The following ATP8B4 variants were observed in gnomAD, a reference collection of about 807,000 sequenced individuals.
The protein encoded by ATP8B4 is probable phospholipid-transporting ATPase IM.
ATP8B4 carries 133 observed loss-of-function variants against 145.6 expected under a neutral mutation model. The observed-to-expected ratio is 0.91, with a 90% confidence interval of 0.79 to 1.05. The LOEUF is 1.05. Among genes scored for constraint, ATP8B4 ranks in the 50% least tolerant of loss-of-function variants. The pLI is 0.00. For synonymous variants in ATP8B4, 507 were observed against 492.9 expected (o/e 1.03, Z -0.38); for missense variants, 1,458 against 1,425.2 (o/e 1.02, Z -0.37).
intron 3 of ATP8B4, among the ~76,000 whole-genome samples, chr15:50,053,593 T>C (rs1216464434): frequency 1.3e-5 from 2 of 152,248 alleles, no homozygotes; most frequent in Admixed American, 6.5e-5. Flanking sequence ...TCAAGAATGA[T>C]TCTCTTGGCC....
intron 1 of ATP8B4, among the ~76,000 whole-genome samples, chr15:50,133,669 A>G (rs1227547029): frequency 6.6e-6 from 1 of 152,194 alleles, no homozygotes; most frequent in Non-Finnish European, 1.5e-5. Context: ...AGCAGTTGCC[A>G]GGGGCTGGGG....
At chr15:49,944,776 G>A (rs1266854884) in intron 14 of ATP8B4, among the ~76,000 whole-genome samples, 2 of 152,044 alleles carry the variant, frequency 1.3e-5, no homozygotes, top group Non-Finnish European at 2.9e-5. Context: ...CTGTGTCAAG[G>A]TAGCACAGAC....
At chr15:50,078,357 T>G (rs2054321817) in intron 2 of ATP8B4, among the ~76,000 whole-genome samples, 1 of 151,822 alleles carries the variant, frequency 6.6e-6, no homozygotes, top group African/African-American at 2.4e-5. Flanking sequence ...CTCAAAGATA[T>G]TTAAGAAGAC....
chr15:50,067,198 A>T (rs1323113538), intron 3 of ATP8B4, among the ~76,000 whole-genome samples: 1 of 152,038 alleles, frequency 6.6e-6, no homozygotes, highest in East Asian at 1.9e-4. Flanking sequence ...CACCACACCC[A>T]ACTTACGTTC....
At chr15:50,059,612 A>G (rs1451644550) in intron 3 of ATP8B4, among the ~76,000 whole-genome samples, 1 of 152,200 alleles carries the variant, frequency 6.6e-6, no homozygotes, top group Non-Finnish European at 1.5e-5. Flanking sequence ...CACTGCCTTC[A>G]TAATCCTCTT....
chr15:50,091,160 A>T (rs2055587241), intron 2 of ATP8B4, among the ~76,000 whole-genome samples: 1 of 152,146 alleles, frequency 6.6e-6, no homozygotes, highest in Non-Finnish European at 1.5e-5. Context: ...TATATTGGGA[A>T]GTTCTGTTTG....
chr15:49,987,522 T>C lies in ATP8B4; in HGVS notation c.617A>G (p.Asn206Ser). The C allele has an allele frequency of 1.2e-6, 2 of 1,613,738 alleles. No homozygotes were observed. The highest frequency in any genetic ancestry group is 1.7e-6 in the Non-Finnish European group (2 of 1,179,760). The change falls in exon 10 of 28, where the codon AAC becomes AGC. Residue 206 changes from asparagine (N) to serine (S), a missense_variant. Physicochemically the swap from Asn to Ser is conservative, Grantham distance 46. Coordinates refer to ENST00000284509, the MANE Select transcript of ATP8B4 (RefSeq NM_024837.4). ...DGIVVCEVPN[N>S]KLDKFMGILS... Reference sequence around the variant, plus strand: ...GATTCCCATGAATTTATCTAACTTGTTGTTAGGCACCTCACAGACAACAAT... The same window carrying C: ...GATTCCCATGAATTTATCTAACTTGCTGTTAGGCACCTCACAGACAACAAT...
intron 14 of ATP8B4, 76 bp downstream of exon 14, chr15:49,961,901 T>C (rs1481120281): frequency 3.0e-5 from 39 of 1,293,040 alleles, no homozygotes; most frequent in Non-Finnish European, 4.1e-5. Context: ...ATCAGGACAC[T>C]AAAAGTTTAT....
intron 6 of ATP8B4, among the ~76,000 whole-genome samples, chr15:50,028,781 G>A (rs1242851565): frequency 2.6e-5 from 4 of 152,152 alleles, no homozygotes; most frequent in Admixed American, 6.5e-5. Context: ...ATAGTAGGCA[G>A]AGAATAAGTG....
Position 49,981,567 on chromosome 15 carries a change from T to C in ATP8B4, c.749-273A>G, listed in dbSNP as rs1031444482. On this transcript the variant is annotated intron_variant, in intron 10 of 27. Coordinates refer to ENST00000284509, the MANE Select transcript of ATP8B4 (RefSeq NM_024837.4). ...TTTAAGTGAAGCTATTTTTTCAATG[T>C]CTATACATGAATATGCTTCTAGTTT... 3.9e-5 allele frequency among the ~76,000 whole-genome samples: 6 copies of C among 152,126 alleles called. No individual in the cohort carries two copies. The East Asian group carries it at 9.6e-4, about 24-fold the overall frequency.
At chr15:50,094,841 T>C (rs1466964424) in intron 2 of ATP8B4, among the ~76,000 whole-genome samples, 46 of 151,918 alleles carry the variant, frequency 3.0e-4, no homozygotes, top group Admixed American at 2.8e-3. Flanking sequence ...TTTCATGGTT[T>C]TTCTGCCTTC....
chr15:50,063,085 T>TAAA (rs753490770), intron 3 of ATP8B4, among the ~76,000 whole-genome samples: 24 of 138,670 alleles, frequency 1.7e-4, no homozygotes, highest in Middle Eastern at 3.9e-3. Flanking sequence ...TAGATGTCTT[T>TAAA]AAAAAAAAAA....
chr15:50,048,564 C>G (rs1482346444), intron 3 of ATP8B4, among the ~76,000 whole-genome samples: 1 of 151,856 alleles, frequency 6.6e-6, no homozygotes, highest in East Asian at 1.9e-4. Context: ...AAAAATTAGC[C>G]AGGCATGGTG....
At chr15:50,103,029 G>C (rs563942073) in intron 2 of ATP8B4, among the ~76,000 whole-genome samples, 69 of 152,176 alleles carry the variant, frequency 4.5e-4, no homozygotes, top group African/African-American at 1.6e-3. Context: ...AAAAGTATTT[G>C]ACAAAATCCA....
At chr15:49,960,600 T>C (rs2043979443) in intron 14 of ATP8B4, among the ~76,000 whole-genome samples, 1 of 152,204 alleles carries the variant, frequency 6.6e-6, no homozygotes, top group Non-Finnish European at 1.5e-5. Context: ...AATGATGGTG[T>C]GCTTTATATC....
chr15:50,037,490 A>G (rs184339331), intron 6 of ATP8B4, among the ~76,000 whole-genome samples: 7 of 152,338 alleles, frequency 4.6e-5, no homozygotes, highest in East Asian at 3.9e-4. Flanking sequence ...AACTCCATCC[A>G]TGGGAGAGAA....
intron 9 of ATP8B4, among the ~76,000 whole-genome samples, chr15:49,992,487 C>T (rs1738475471): frequency 6.6e-6 from 1 of 152,138 alleles, no homozygotes; most frequent in African/African-American, 2.4e-5. Context: ...ACCAGAAAGA[C>T]ACTATCTTTG....
At chr15:50,001,425 T>C (rs1258281008) in intron 8 of ATP8B4, among the ~76,000 whole-genome samples, 2 of 152,222 alleles carry the variant, frequency 1.3e-5, no homozygotes, top group African/African-American at 2.4e-5. Context: ...GTTAAAACCA[T>C]GGACTCTGGT....
intron 6 of ATP8B4, among the ~76,000 whole-genome samples, chr15:50,012,787 G>A (rs2048815466): frequency 6.6e-6 from 1 of 152,174 alleles, no homozygotes; most frequent in South Asian, 2.1e-4. Flanking sequence ...ACCATAGTCT[G>A]TGTGAGATGC....
Sources: allele counts gnomAD v4.1 joint callset (sites outside exome capture counted in the v4.1 genomes callset), GRCh38; gene constraint gnomAD v4.1.1; transcripts MANE v1.5; gene names NCBI Gene and HGNC (gene_info 2026-07-23, HGNC 2026-07-21).